Variants in ZFTA observed in about 807,000 individuals in gnomAD.
ZFTA encodes the protein zinc finger translocation-associated protein.
In ZFTA, 35 loss-of-function variants were observed where a neutral mutation model predicts 41.8. The ratio of observed to expected loss-of-function variants is 0.84; its 90% CI spans 0.64 to 1.11. The LOEUF (loss-of-function observed/expected upper bound fraction) is 1.11, where lower values mean the gene tolerates loss of function less well. Ranked by LOEUF, ZFTA falls within the 50% of genes most tolerant of loss-of-function variation. The pLI is 0.00. For missense variants in ZFTA, 964 were observed against 989.8 expected, an observed-to-expected ratio of 0.97 and a Z score of 0.35; for synonymous variants, 514 against 436.4, an observed-to-expected ratio of 1.18 and a Z score of -2.22.
Position 63,764,508 on chromosome 11 carries a change from G to C in ZFTA, c.1115C>G (p.Pro372Arg), listed in dbSNP as rs910252886. Reference sequence around the variant, plus strand: ...CCAGCCAGCCTCTTCCTTTACGTCTGGGGGGCTGAGATCCTGAGAGGAGGG... The same window carrying C: ...CCAGCCAGCCTCTTCCTTTACGTCTCGGGGGCTGAGATCCTGAGAGGAGGG... Reference protein sequence around the residue: ...GAPSSQDLSPPDVKEEAGWVP... With the variant: ...GAPSSQDLSPRDVKEEAGWVP... Residue 372 changes from proline to arginine, a missense_variant, in exon 4 of 5, where the codon CCA becomes CGA. Pro to Arg is a moderately radical substitution (Grantham distance 103, BLOSUM62 -2). Around this residue, in one of 5 missense-constraint regions of ZFTA, gnomAD observed 584 missense variants for 523.1 expected, o/e 1.12. Transcript: ENST00000433688. 8 of 1,257,322 alleles carry C rather than the reference G, an allele frequency of 6.4e-6. No homozygotes were observed. The highest frequency in any genetic ancestry group is 8.4e-5 in the Admixed American group (2 of 23,828). 77.9% of individuals were successfully genotyped at this position (1,257,322 alleles called of 1,614,324 possible).
At chr11:63,766,419 G>C (rs2014746709) in intron 1 of ZFTA, 115 bp from the exon 2 acceptor site, 3 of 1,177,620 alleles carry the variant, frequency 2.5e-6, no homozygotes, top group Non-Finnish European at 3.4e-6. Context: ...TTCCGGGGCA[G>C]GAAAGGGACG....
chr11:63,765,074 A>G lies in ZFTA; in HGVS notation c.818T>C (p.Leu273Pro). 6.5e-7 allele frequency: 1 copy of G among 1,548,980 alleles called. No homozygotes were observed. The highest frequency in any genetic ancestry group is 1.2e-5 in the South Asian group (1 of 84,024). ...SLQNWFRAECLMDYDPRGNRL... is the reference protein window; with the variant it reads ...SLQNWFRAECPMDYDPRGNRL... Reference sequence around the variant, plus strand: ...GTTCCCCCGCGGGTCATAGTCCATGAGACACTCGGCCCGGAACCAGTTCTG... The same window carrying G: ...GTTCCCCCGCGGGTCATAGTCCATGGGACACTCGGCCCGGAACCAGTTCTG... Residue 273 changes from leucine to proline, a missense_variant, in exon 3 of 5, where the codon CTC becomes CCC. By Grantham distance (98) the Leu-to-Pro change is moderately conservative. Coordinates refer to ENST00000433688, the MANE Select transcript of ZFTA (RefSeq NM_001144936.2). This position sits in a 1 kb window ranked among gnomAD's most constrained non-coding sequence, Gnocchi z 4.0.
intron 1 of ZFTA, 147 bp from the exon 2 acceptor site, chr11:63,766,451 G>GCAGCAA: frequency 1.9e-4 from 211 of 1,136,584 alleles, no homozygotes; most frequent in Middle Eastern, 2.4e-4. Context: ...AAAAGGGATG[G>GCAGCAA]TAGAAGTGGG....
rs1042231364 is a variant in ZFTA at position 63,765,095 on chromosome 11, T to C, written c.797A>G (p.Asn266Ser). ...CATGAGACACTCGGCCCGGAACCAGTTCTGCAGGGACTCCTTCAGCCTCCT... is the reference window on the plus strand; with the variant it reads ...CATGAGACACTCGGCCCGGAACCAGCTCTGCAGGGACTCCTTCAGCCTCCT... Reference protein sequence around the residue: ...LERRLKESLQNWFRAECLMDY... With the variant: ...LERRLKESLQSWFRAECLMDY... The change falls in exon 3 of 5, where the codon AAC becomes AGC. Residue 266 changes from asparagine to serine, a missense_variant. This residue lies in a region of ZFTA where 584 missense variants were observed against 523.1 expected (regional missense o/e 1.12). Transcript: ENST00000433688. The surrounding 1 kb of genome is among the most constrained non-coding windows in gnomAD (Gnocchi z 4.0). 6.5e-7 allele frequency: 1 copy of C among 1,548,600 alleles called. No individual in the cohort carries two copies. The highest frequency in any genetic ancestry group is 1.4e-5 in the African/African-American group (1 of 72,934).
intron 4 of ZFTA, 40 bp from the exon 5 acceptor site, chr11:63,763,909 G>C: frequency 1.4e-6 from 2 of 1,396,458 alleles, no homozygotes; most frequent in African/African-American, 1.5e-5. Flanking sequence ...ACGGCGGGGG[G>C]CAGCGGGCTG....
At position 63,765,321 on chromosome 11, in the gene ZFTA, C is replaced by A; in HGVS notation, c.638-67G>T. The A allele has an allele frequency of 1.4e-6, 2 of 1,397,924 alleles. No individual in the cohort carries two copies. The highest frequency in any genetic ancestry group is 3.1e-5 in the South Asian group (2 of 64,076). 86.6% of individuals were successfully genotyped at this position (1,397,924 alleles called of 1,614,324 possible). A position where few individuals can be genotyped will look rare whatever the true frequency, so the allele number is the denominator to read the frequency against. ...GGGAGCATACCCACTACAGCCAGGT[C>A]TCCCACAAGCCTCTCACTCACTTGG... On this transcript the variant is annotated intron_variant, in intron 2 of 4. Transcript: ENST00000433688. The surrounding 1 kb of genome is among the most constrained non-coding windows in gnomAD (Gnocchi z 4.0).
Position 63,764,221 on chromosome 11 carries a change from G to C in ZFTA, c.1402C>G (p.Leu468Val). 1 of 1,426,554 alleles carries C rather than the reference G, an allele frequency of 7.0e-7. No homozygotes were observed. Among genetic ancestry groups the C allele is most frequent in the African/African-American group, 1.5e-5 (1 of 66,458 alleles). 88.4% of individuals were successfully genotyped at this position (1,426,554 alleles called of 1,614,324 possible). A position where few individuals can be genotyped will look rare whatever the true frequency, so the allele number is the denominator to read the frequency against. The part of the protein sequence containing the change: ...IRRRHPGSTR[L>V]GGPVQALIAR... Reference sequence around the variant, plus strand: ...ATGAGGGCCTGGACAGGCCCGCCGAGGCGCGTGGAGCCCGGGTGGCGCCGG... The same window carrying C: ...ATGAGGGCCTGGACAGGCCCGCCGACGCGCGTGGAGCCCGGGTGGCGCCGG... The change falls in exon 4 of 5, where the codon CTC becomes GTC. Residue 468 changes from leucine (L) to valine (V), a missense_variant. Around this residue, in one of 5 missense-constraint regions of ZFTA, gnomAD observed 584 missense variants for 523.1 expected, o/e 1.12. Transcript: ENST00000433688.
Position 63,763,707 on chromosome 11 carries a change from G to C in ZFTA, c.1748C>G (p.Pro583Arg). The stretch of plus-strand genomic sequence containing the variant: ...CATCAGGTACTCGCCCCGCCACCGC[G>C]GCTGGTAGTTCCGCCGCTGCTCCCG... ...RSREQRRNYQPRWRGEYLMDY... is the reference protein window; with the variant it reads ...RSREQRRNYQRRWRGEYLMDY... The change falls in exon 5 of 5, where the codon CCG (proline) becomes CGG (arginine). Residue 583 changes from proline (P) to arginine (R), a missense_variant. This residue lies in a region of ZFTA where 63 missense variants were observed against 97.8 expected (regional missense o/e 0.64). Transcript: ENST00000433688. 6.6e-7 allele frequency: 1 copy of C among 1,520,040 alleles called. No individual in the cohort carries two copies. Among genetic ancestry groups the C allele is most frequent in the Non-Finnish European group, 8.9e-7 (1 of 1,129,714 alleles). The allele number at this position is 1,520,040 out of a possible 1,614,324, so 94.2% of individuals were successfully genotyped here. A position where few individuals can be genotyped will look rare whatever the true frequency, so the allele number is the denominator to read the frequency against.
Position 63,760,703 on chromosome 11 carries a change from C to G in ZFTA, c.*2715G>C, listed in dbSNP as rs559790276. ...CCATCAAAGCAGGAATCAATGGAAT[C>G]ACTACCGCAGCCCTTCCCTTTCACT... is the stretch of plus-strand genomic sequence containing the variant. On this transcript the variant is annotated 3_prime_UTR_variant, in exon 5 of 5. Coordinates refer to ENST00000433688, the MANE Select transcript of ZFTA (RefSeq NM_001144936.2). The G allele has an allele frequency of 6.6e-6, 1 of 152,370 alleles. No individual in the cohort carries two copies. The highest frequency in any genetic ancestry group is 2.1e-4 in the South Asian group (1 of 4,828). 9.4% of individuals were successfully genotyped at this position (152,370 alleles called of 1,614,324 possible).
In ZFTA at chr11:63,764,367, TGG is replaced by T; in HGVS notation, c.1254_1255del (p.Gln419GlyfsTer215). ...GAGGTACTCCAGCCGCCAGCGCTCC[TGG>T]GGGTGGCGGCGGTGGGCGCGGCCCC... On this transcript the variant is annotated frameshift_variant, in exon 4 of 5. Coordinates refer to ENST00000433688, the MANE Select transcript of ZFTA (RefSeq NM_001144936.2). LOFTEE classifies it high-confidence loss of function. 1 of 1,313,542 alleles carries T rather than the reference TGG, an allele frequency of 7.6e-7. No individual in the cohort carries two copies. 81.4% of individuals were successfully genotyped at this position (1,313,542 alleles called of 1,614,324 possible). A position where few individuals can be genotyped will look rare whatever the true frequency, so the allele number is the denominator to read the frequency against.
At chr11:63,768,337 A>T in intron 1 of ZFTA, 147 bp downstream of exon 1, 1 of 320,754 alleles carries the variant, frequency 3.1e-6, no homozygotes, top group South Asian at 1.2e-4. Context: ...CCAGCCCTGC[A>T]GCCGCGCTCC....
chr11:63,763,706 C>A lies in ZFTA; in HGVS notation c.1749G>T (p.Pro583=). Residue 583 remains proline, a synonymous_variant, in exon 5 of 5, where the codon CCG becomes CCT. Transcript: ENST00000433688. Reference sequence around the variant, plus strand: ...CCATCAGGTACTCGCCCCGCCACCGCGGCTGGTAGTTCCGCCGCTGCTCCC... The same window carrying A: ...CCATCAGGTACTCGCCCCGCCACCGAGGCTGGTAGTTCCGCCGCTGCTCCC... ...RSREQRRNYQ[P]RWRGEYLMDY... is the part of the protein sequence containing the mutation. 1 of 1,520,112 alleles carries A rather than the reference C, an allele frequency of 6.6e-7. No individual in the cohort carries two copies. Among genetic ancestry groups the A allele is most frequent in the South Asian group, 1.2e-5 (1 of 81,668 alleles). 94.2% of individuals were successfully genotyped at this position (1,520,112 alleles called of 1,614,324 possible). A position where few individuals can be genotyped will look rare whatever the true frequency, so the allele number is the denominator to read the frequency against.
intron 1 of ZFTA, among the ~76,000 whole-genome samples, chr11:63,766,894 C>T (rs1238469276): frequency 6.6e-6 from 1 of 152,220 alleles, no homozygotes; most frequent in Non-Finnish European, 1.5e-5. Context: ...GGAGGGATCC[C>T]CAAGACAAAG....
intron 1 of ZFTA, 41 bp downstream of exon 1, chr11:63,768,443 A>ACGCCGGGGCCCCCGCCCGGGC: frequency 9.3e-7 from 1 of 1,072,732 alleles, no homozygotes; most frequent in Non-Finnish European, 1.1e-6. Context: ...CCCTTCCCCC[A>ACGCCGGGGCCCCCGCCCGGGC]CGCCGGGGCC....
At position 63,760,140 on chromosome 11, in the gene ZFTA, C is replaced by A. The variant is rs1388215515; in HGVS notation, c.*3278G>T. 6.6e-6 allele frequency: 1 copy of A among 152,172 alleles called. No individual in the cohort carries two copies. The highest frequency in any genetic ancestry group is 2.4e-5 in the African/African-American group (1 of 41,430). 9.4% of individuals were successfully genotyped at this position (152,172 alleles called of 1,614,324 possible). A position where few individuals can be genotyped will look rare whatever the true frequency, so the allele number is the denominator to read the frequency against. On this transcript the variant is annotated 3_prime_UTR_variant, in exon 5 of 5. Coordinates refer to ENST00000433688, the MANE Select transcript of ZFTA (RefSeq NM_001144936.2). ...TGACCTTAGAAGAATGAGGAGGGGT[C>A]AGGGGGTCTTTTACCCCAGTTCAGC...
rs745679828 is a variant in ZFTA at position 63,764,249 on chromosome 11, G to A, written c.1374C>T (p.Ile458=). 8.9e-6 allele frequency: 13 copies of A among 1,459,844 alleles called. No individual in the cohort carries two copies. The South Asian group carries it at 1.5e-4, about 16-fold the overall frequency. 90.4% of individuals were successfully genotyped at this position (1,459,844 alleles called of 1,614,324 possible). A position where few individuals can be genotyped will look rare whatever the true frequency, so the allele number is the denominator to read the frequency against. Reference sequence around the variant, plus strand: ...GCGTGGAGCCCGGGTGGCGCCGGCGGATGTGGCGCTCGATGGTGCTCATCT... The same window carrying A: ...GCGTGGAGCCCGGGTGGCGCCGGCGAATGTGGCGCTCGATGGTGCTCATCT... The part of the protein sequence containing the change: ...SLKMSTIERH[I]RRRHPGSTRL... The change falls in exon 4 of 5, where the codon ATC becomes ATT. Residue 458 remains isoleucine, a synonymous_variant. Coordinates refer to ENST00000433688, the MANE Select transcript of ZFTA (RefSeq NM_001144936.2).
intron 3 of ZFTA, 34 bp from the exon 4 acceptor site, chr11:63,764,632 C>T: frequency 7.9e-7 from 1 of 1,263,488 alleles, no homozygotes; most frequent in Non-Finnish European, 1.0e-6. Context: ...AGGGGCTCAG[C>T]CTGCTGGCTG....
intron 4 of ZFTA, 75 bp downstream of exon 4, chr11:63,763,963 T>G (rs984029818): frequency 3.7e-6 from 5 of 1,334,148 alleles, no homozygotes; most frequent in African/African-American, 1.6e-5. Context: ...TGCCCTTCTA[T>G]CCCATCCTCC....
rs990534734 is a variant in ZFTA at position 63,764,456 on chromosome 11, C to T, written c.1167G>A (p.Glu389=). ...CGCCCTCCTCCAGCTCCTCCTCCTC[C>T]TCTGCGGGCCCGGGCCTCTCAGGGA... ...GWVPERPGPA[E]EEEELEEGEG... Residue 389 remains glutamate, a synonymous_variant, in exon 4 of 5, where the codon GAG becomes GAA. Coordinates refer to ENST00000433688, the MANE Select transcript of ZFTA (RefSeq NM_001144936.2). The T allele has an allele frequency of 7.9e-7, 1 of 1,265,316 alleles. No homozygotes were observed. 78.4% of individuals were successfully genotyped at this position (1,265,316 alleles called of 1,614,324 possible).
Sources: allele counts gnomAD v4.1 joint callset (sites outside exome capture counted in the v4.1 genomes callset), GRCh38; gene constraint gnomAD v4.1.1; regional missense constraint gnomAD v4.1.1; non-coding constraint Gnocchi (gnomAD v3.1); transcripts MANE v1.5; gene names NCBI Gene and HGNC (gene_info 2026-07-23, HGNC 2026-07-21).